The following NRCAM variants were observed in gnomAD, a reference collection of about 807,000 sequenced individuals.
The protein encoded by NRCAM is neuronal cell adhesion molecule.
Under a neutral mutation model 156.5 loss-of-function variants are expected in NRCAM, and 83 were observed. The observed-to-expected ratio is 0.53, with a 90% CI of 0.44 to 0.64. NRCAM has a LOEUF of 0.64. Among genes scored for constraint, NRCAM ranks in the 30% least tolerant of loss-of-function variants. NRCAM has a pLI of 0.00. For missense variants in NRCAM, 1,417 were observed against 1,597.3 expected, an observed-to-expected ratio of 0.89 and a Z score of 1.92; for synonymous variants, 538 against 563.9, an observed-to-expected ratio of 0.95 and a Z score of 0.65.
chr7:108,251,927 T>C (rs1043526079), intron 3 of NRCAM, among the ~76,000 whole-genome samples: 4 of 152,036 alleles, frequency 2.6e-5, no homozygotes, highest in Non-Finnish European at 4.4e-5. Flanking sequence ...TGGGTGACAG[T>C]GCAAGACTGT....
chr7:108,347,632 T>C (rs2099370086), intron 2 of NRCAM, among the ~76,000 whole-genome samples: 1 of 152,204 alleles, frequency 6.6e-6, no homozygotes, highest in Admixed American at 6.5e-5. Flanking sequence ...TAATAATCCC[T>C]AAACCCTGCA....
intron 10 of NRCAM, among the ~76,000 whole-genome samples, 178 bp from the exon 11 acceptor site, chr7:108,224,014 TACTC>T (rs1291776613): frequency 1.3e-5 from 2 of 152,196 alleles, no homozygotes; most frequent in Non-Finnish European, 2.9e-5. Context: ...AGTCATCACT[TACTC>T]AGTTACCCAG....
intron 3 of NRCAM, among the ~76,000 whole-genome samples, chr7:108,289,937 A>G (rs2098235426): frequency 6.6e-6 from 1 of 152,160 alleles, no homozygotes; most frequent in East Asian, 1.9e-4. Context: ...CAACTGTAAT[A>G]TAATAAAAAA....
At chr7:108,430,871 G>A (rs1824132702) in intron 1 of NRCAM, among the ~76,000 whole-genome samples, 1 of 152,024 alleles carries the variant, frequency 6.6e-6, no homozygotes, top group Admixed American at 6.6e-5. Flanking sequence ...ACAGCGTTTG[G>A]TAGCTGCTGA....
At chr7:108,328,970 A>C (rs2099099678) in intron 2 of NRCAM, among the ~76,000 whole-genome samples, 1 of 152,186 alleles carries the variant, frequency 6.6e-6, no homozygotes. Context: ...TAGATGGTAG[A>C]ACTTGCTGTC....
chr7:108,353,881 T>C (rs897897607), intron 2 of NRCAM, among the ~76,000 whole-genome samples: 2 of 152,238 alleles, frequency 1.3e-5, no homozygotes, highest in East Asian at 3.8e-4. Flanking sequence ...ATAATCTCCA[T>C]TGCACAGAGG....
intron 1 of NRCAM, among the ~76,000 whole-genome samples, chr7:108,439,015 T>C (rs1445163755): frequency 3.3e-5 from 5 of 152,130 alleles, no homozygotes; most frequent in Admixed American, 3.3e-4. Context: ...AATTGGAAGA[T>C]TTGATATTAA....
chr7:108,269,684 A>G (rs1380836839), intron 3 of NRCAM, among the ~76,000 whole-genome samples: 1 of 152,232 alleles, frequency 6.6e-6, no homozygotes, highest in Admixed American at 6.5e-5. Context: ...AATGAGTTAT[A>G]TGCTTGAATA....
intron 3 of NRCAM, among the ~76,000 whole-genome samples, chr7:108,309,492 G>GT (rs1437174973): frequency 5.9e-5 from 9 of 152,072 alleles, no homozygotes; most frequent in African/African-American, 2.2e-4. Context: ...GATTTGACTG[G>GT]TATCAACTAA....
intron 13 of NRCAM, among the ~76,000 whole-genome samples, chr7:108,203,934 G>A (rs899493605): frequency 6.6e-6 from 1 of 152,154 alleles, no homozygotes; most frequent in Non-Finnish European, 1.5e-5. Context: ...AGTCTTCATT[G>A]TGCTAATTCA....
intron 1 of NRCAM, among the ~76,000 whole-genome samples, chr7:108,407,707 T>C (rs1260458026): frequency 1.3e-5 from 2 of 152,214 alleles, no homozygotes; most frequent in Admixed American, 6.5e-5. Flanking sequence ...TTGCAGTAGT[T>C]CTCAGCTCTG....
intron 1 of NRCAM, among the ~76,000 whole-genome samples, chr7:108,441,947 A>G (rs118000972): frequency 0.016 from 2,363 of 152,340 alleles, 36 homozygotes; most frequent in South Asian, 0.028. Flanking sequence ...GTGAAGATTA[A>G]ATGTGATCAT....
intron 28 of NRCAM, among the ~76,000 whole-genome samples, chr7:108,168,890 A>C (rs1363650121): frequency 2.6e-5 from 4 of 152,182 alleles, no homozygotes; most frequent in Non-Finnish European, 5.9e-5. Context: ...TGCCCCTTTG[A>C]ACAGCGTTTT....
intron 13 of NRCAM, among the ~76,000 whole-genome samples, chr7:108,199,749 A>AAGGCCCTTAACCTTAATC (rs2076974260): frequency 6.6e-6 from 1 of 152,176 alleles, no homozygotes; most frequent in Admixed American, 6.6e-5. Flanking sequence ...TCCCCATCTC[A>AAGGCCCTTAACCTTAATC]AGGCCCTTAA....
At chr7:108,186,698 T>C (rs2067013090) in intron 20 of NRCAM, among the ~76,000 whole-genome samples, 2 of 152,238 alleles carry the variant, frequency 1.3e-5, no homozygotes, top group South Asian at 2.1e-4. Flanking sequence ...GGTTCATACA[T>C]CTTTATATGT....
At chr7:108,267,061 T>A (rs1216874496) in intron 3 of NRCAM, among the ~76,000 whole-genome samples, 1 of 152,076 alleles carries the variant, frequency 6.6e-6, no homozygotes, top group Non-Finnish European at 1.5e-5. Flanking sequence ...CAATAGGGTG[T>A]TATAAAGAGG....
intron 1 of NRCAM, among the ~76,000 whole-genome samples, chr7:108,430,609 T>C (rs1031918953): frequency 2.6e-5 from 4 of 152,156 alleles, no homozygotes; most frequent in African/African-American, 9.7e-5. Flanking sequence ...AATACTTCTT[T>C]TAATATATCT....
intron 2 of NRCAM, among the ~76,000 whole-genome samples, chr7:108,338,657 CAG>C (rs1230734683): frequency 6.7e-6 from 1 of 149,854 alleles, no homozygotes; most frequent in Non-Finnish European, 1.5e-5. Flanking sequence ...GAGAAAGAGG[CAG>C]AGAGACAAAG....
At chr7:108,200,082 C>T (rs1049896192) in intron 13 of NRCAM, among the ~76,000 whole-genome samples, 8 of 152,204 alleles carry the variant, frequency 5.3e-5, no homozygotes, top group Non-Finnish European at 2.9e-5. Context: ...TTGTTCAACA[C>T]TCTGATTACC....
Sources: allele counts gnomAD v4.1 joint callset (sites outside exome capture counted in the v4.1 genomes callset), GRCh38; gene constraint gnomAD v4.1.1; transcripts MANE v1.5; gene names NCBI Gene and HGNC (gene_info 2026-07-23, HGNC 2026-07-21).